Variants in PCDHGA3 observed in about 807,000 individuals in gnomAD.
The protein encoded by PCDHGA3 is protocadherin gamma subfamily A, 3.
Under a neutral mutation model 58.5 loss-of-function variants are expected in PCDHGA3, and 40 were observed. The observed-to-expected ratio is 0.68, with a 90% CI of 0.53 to 0.89. PCDHGA3 has a LOEUF of 0.89. Among genes scored for constraint, PCDHGA3 ranks in the 40% least tolerant of loss-of-function variants. The pLI, the probability that PCDHGA3 is intolerant of heterozygous loss-of-function variation, is 0.00. For synonymous variants in PCDHGA3, 530 were observed against 525.7 expected (o/e 1.01, Z -0.11); for missense variants, 1,223 against 1,195.9 (o/e 1.02, Z -0.33).
At chr5:141,507,896 G>A (rs1457319438) in intron 3 of PCDHGA3, among the ~76,000 whole-genome samples, 1 of 152,210 alleles carries the variant, frequency 6.6e-6, no homozygotes, top group African/African-American at 2.4e-5. Flanking sequence ...GGTTCCTGAA[G>A]TCCAGCCCAG....
chr5:141,466,195 C>G (rs1269214888), intron 1 of PCDHGA3, among the ~76,000 whole-genome samples: 1 of 151,748 alleles, frequency 6.6e-6, no homozygotes, highest in Non-Finnish European at 1.5e-5. Flanking sequence ...TTTTCAGACA[C>G]AGCCTTGCTC....
Position 141,430,120 on chromosome 5 carries a change from G to A in PCDHGA3, c.2425-64687G>A, listed in dbSNP as rs73280905. Among the ~76,000 whole-genome samples, 1,257 of 152,134 alleles carry A rather than the reference G, an allele frequency of 8.3e-3. 17 individuals are homozygous for A. Among genetic ancestry groups the A allele is most frequent in the African/African-American group, 0.029 (1,193 of 41,506 alleles). Reference sequence around the variant, plus strand: ...TTAAGCGTTACATGTCAACAACCTGGTAAAGTAATCCTTCCATTCAGGATC... The same window carrying A: ...TTAAGCGTTACATGTCAACAACCTGATAAAGTAATCCTTCCATTCAGGATC... On this transcript the variant is annotated intron_variant, in intron 1 of 3. Coordinates refer to ENST00000253812, the MANE Select transcript of PCDHGA3 (RefSeq NM_018916.4).
chr5:141,471,394 G>A (rs1349459242), intron 1 of PCDHGA3: 1 of 152,056 alleles, frequency 6.6e-6, no homozygotes, highest in Non-Finnish European at 1.5e-5. Context: ...TACAAGTTAC[G>A]TAGCTAGGCT....
At chr5:141,413,740 C>A in intron 1 of PCDHGA3, 2 of 1,613,402 alleles carry the variant, frequency 1.2e-6, no homozygotes, top group Non-Finnish European at 1.7e-6. Flanking sequence ...AGTTCAGAGC[C>A]GTGCCAATGG....
chr5:141,492,894 G>A (rs2099744893), intron 1 of PCDHGA3, among the ~76,000 whole-genome samples: 1 of 152,202 alleles, frequency 6.6e-6, no homozygotes, highest in Admixed American at 6.5e-5. Flanking sequence ...GGCTTTTGGC[G>A]CCGTCGTGAT....
chr5:141,369,800 C>T lies in PCDHGA3; in HGVS notation c.2424+23343C>T, dbSNP rs192992906. 3.3e-3 allele frequency among the ~76,000 whole-genome samples: 501 copies of T among 152,282 alleles called. 3 individuals are homozygous for T. Among genetic ancestry groups the T allele is most frequent in the Non-Finnish European group, 5.3e-3 (361 of 68,024 alleles). ...AAGCCTCTTTATACTACGTCTTCTG[C>T]CATCACCAAAAATAGCTTCCATTTG... On this transcript the variant is annotated intron_variant, in intron 1 of 3. Transcript: ENST00000253812.
At chr5:141,478,570 G>T (rs1255499966) in intron 1 of PCDHGA3, 1 of 1,590,156 alleles carries the variant, frequency 6.3e-7, no homozygotes, top group Admixed American at 1.8e-5. Context: ...AGTCATGCTT[G>T]ACCCTGTTAG....
Position 141,398,972 on chromosome 5 carries a change from A to G in PCDHGA3, c.2424+52515A>G, listed in dbSNP as rs191593174. 31 of 1,613,974 alleles carry G rather than the reference A, an allele frequency of 1.9e-5. No homozygotes were observed. In the South Asian group the frequency reaches 2.5e-4, roughly 13 times the overall value. The stretch of plus-strand genomic sequence containing the variant: ...AACTCAGAAATTACTTATTCCTTCT[A>G]CAGAACCGGGCAAATCTTTAGTCTG... On this transcript the variant is annotated intron_variant, in intron 1 of 3. Transcript: ENST00000253812.
rs953803165 is a variant in PCDHGA3, at chr5:141,392,978, C to A, written c.2424+46521C>A. 2.5e-6 allele frequency: 4 copies of A among 1,613,808 alleles called. No individual in the cohort carries two copies. The highest frequency in any genetic ancestry group is 1.7e-4 in the Middle Eastern group (1 of 6,054). Reference sequence around the variant, plus strand: ...ATATCTCCAAGGACCTGGGGCTGGACCCCCGGAAGCTGGCGAAGCACGGAG... The same window carrying A: ...ATATCTCCAAGGACCTGGGGCTGGAACCCCGGAAGCTGGCGAAGCACGGAG... On this transcript the variant is annotated intron_variant, in intron 1 of 3. Coordinates refer to ENST00000253812, the MANE Select transcript of PCDHGA3 (RefSeq NM_018916.4).
At position 141,477,197 on chromosome 5, in the gene PCDHGA3, G is replaced by A. The variant is rs781504885; in HGVS notation, c.2425-17610G>A. ...CACAGTCACCTCCGTGTACAGCCCA[G>A]TACCCGAGGATGCCCCTCTGGGGAC... On this transcript the variant is annotated intron_variant, in intron 1 of 3. Coordinates refer to ENST00000253812, the MANE Select transcript of PCDHGA3 (RefSeq NM_018916.4). The surrounding 1 kb of genome is among the most constrained non-coding windows in gnomAD (Gnocchi z 4.9). 1 of 1,614,210 alleles carries A rather than the reference G, an allele frequency of 6.2e-7. No homozygotes were observed. Among genetic ancestry groups the A allele is most frequent in the East Asian group, 2.2e-5 (1 of 44,874 alleles).
At chr5:141,393,367 G>A (rs1302436646) in intron 1 of PCDHGA3, 2 of 1,613,962 alleles carry the variant, frequency 1.2e-6, no homozygotes, top group East Asian at 2.2e-5. Flanking sequence ...GTGCAGACTG[G>A]AGACAATGGA....
chr5:141,374,696 G>T (rs747520978), intron 1 of PCDHGA3: 1 of 1,609,314 alleles, frequency 6.2e-7, no homozygotes, highest in South Asian at 1.1e-5. Context: ...CCGGGAAGGA[G>T]AAGCCGTTTA....
At chr5:141,492,384 C>T (rs1001189412) in intron 1 of PCDHGA3, among the ~76,000 whole-genome samples, 1 of 152,230 alleles carries the variant, frequency 6.6e-6, no homozygotes, top group African/African-American at 2.4e-5. Context: ...AGGCCTGTTC[C>T]GGTCCACTCG....
At chr5:141,351,660 T>C (rs1758779964) in intron 1 of PCDHGA3, 1 of 1,613,886 alleles carries the variant, frequency 6.2e-7, no homozygotes, top group African/African-American at 1.3e-5. Context: ...GGCGCCTCCA[T>C]TGCACAAGTA....
At chr5:141,382,912 C>A (rs771685139) in intron 1 of PCDHGA3, 1 of 1,552,238 alleles carries the variant, frequency 6.4e-7, no homozygotes. Flanking sequence ...GGCGGCTCAG[C>A]CGAGGGGCGG....
chr5:141,499,932 C>A (rs1169727162), intron 2 of PCDHGA3, among the ~76,000 whole-genome samples: 1 of 152,076 alleles, frequency 6.6e-6, no homozygotes, highest in Non-Finnish European at 1.5e-5. Context: ...AAGTGATCCA[C>A]CCTCCTCGGC....
At chr5:141,388,559 T>C in intron 1 of PCDHGA3, 1 of 1,613,890 alleles carries the variant, frequency 6.2e-7, no homozygotes, top group Non-Finnish European at 8.5e-7. Context: ...TAAGCAGCAC[T>C]GCACAGATAC....
At chr5:141,351,104 C>A (rs758554557) in intron 1 of PCDHGA3, 18 of 1,613,946 alleles carry the variant, frequency 1.1e-5, no homozygotes, top group Non-Finnish European at 1.4e-5. Context: ...CCTCAATTCC[C>A]CAATAAGTAC....
intron 1 of PCDHGA3, chr5:141,377,955 G>GTTT (rs1774497186): frequency 6.6e-6 from 1 of 152,022 alleles, no homozygotes; most frequent in African/African-American, 2.4e-5. Context: ...GTGTATCCAG[G>GTTT]GCAACTTGAA....
Sources: gnomAD v4.1 joint callset for allele counts (sites outside exome capture counted in the v4.1 genomes callset) on GRCh38, gnomAD v4.1.1 for gene constraint, Gnocchi (gnomAD v3.1) non-coding constraint, MANE v1.5 for transcripts, NCBI Gene and HGNC (gene_info 2026-07-23, HGNC 2026-07-21) for gene names.